GLI3: variants seen among roughly 807,000 people sequenced by gnomAD.
GLI3 encodes transcription activator GLI3.
GLI3 carries 20 observed loss-of-function variants against 100.8 expected under a neutral mutation model. The observed-to-expected ratio is 0.20, with a 90% CI of 0.14 to 0.29. GLI3 has a LOEUF of 0.29. Among genes scored for constraint, GLI3 ranks in the 10% least tolerant of loss-of-function variants. GLI3 has a pLI of 1.00. For missense variants in GLI3, 2,040 were observed against 2,128.5 expected (o/e 0.96, Z 0.82); for synonymous variants, 938 against 860.5 (o/e 1.09, Z -1.58).
At chr7:42,254,037 T>C (rs1320176481) in intron 1 of GLI3, among the ~76,000 whole-genome samples, 39 of 152,126 alleles carry the variant, frequency 2.6e-4, no homozygotes, top group Non-Finnish European at 1.5e-5. Flanking sequence ...CTGACCAACA[T>C]GGTGAAACCC....
chr7:41,971,140 C>T (rs891306513), intron 13 of GLI3, among the ~76,000 whole-genome samples: 2 of 152,214 alleles, frequency 1.3e-5, no homozygotes, highest in African/African-American at 2.4e-5. Flanking sequence ...CATAGCTTCT[C>T]ACCGTCTCAA....
chr7:41,991,949 A>C (rs148540991), intron 10 of GLI3, among the ~76,000 whole-genome samples: 127 of 152,318 alleles, frequency 8.3e-4, no homozygotes, highest in Middle Eastern at 3.4e-3. Context: ...GTATGTGTGC[A>C]CATGCTGGTG....
intron 6 of GLI3, among the ~76,000 whole-genome samples, chr7:42,040,466 G>C (rs1216064568): frequency 6.6e-6 from 1 of 152,152 alleles, no homozygotes; most frequent in Non-Finnish European, 1.5e-5. Context: ...TTAATGTGCA[G>C]GGAAAATGAT....
chr7:41,986,759 T>C (rs1254138847), intron 10 of GLI3, among the ~76,000 whole-genome samples: 2 of 151,942 alleles, frequency 1.3e-5, no homozygotes, highest in African/African-American at 2.4e-5. Flanking sequence ...TGCACAGCTT[T>C]GAGAATATAT....
chr7:42,166,558 T>C (rs1229428366), intron 2 of GLI3, among the ~76,000 whole-genome samples: 1 of 147,484 alleles, frequency 6.8e-6, no homozygotes, highest in Non-Finnish European at 1.5e-5. Context: ...AAAGCATAGC[T>C]CCAGTTGGGG....
intron 1 of GLI3, among the ~76,000 whole-genome samples, chr7:42,253,120 G>T (rs1261298136): frequency 1.3e-5 from 2 of 152,198 alleles, no homozygotes; most frequent in Non-Finnish European, 2.9e-5. Flanking sequence ...GTAGCTAGCT[G>T]AGCCACGACT....
intron 1 of GLI3, among the ~76,000 whole-genome samples, chr7:42,263,596 GC>G (rs1789167860): frequency 6.6e-6 from 1 of 152,086 alleles, no homozygotes; most frequent in Non-Finnish European, 1.5e-5. Flanking sequence ...ACAGGAGCGT[GC>G]CACCATGCCC....
intron 3 of GLI3, among the ~76,000 whole-genome samples, chr7:42,132,196 G>A (rs1446998879): frequency 6.6e-6 from 1 of 151,958 alleles, no homozygotes; most frequent in Non-Finnish European, 1.5e-5. Context: ...CGCCTCCTGG[G>A]TTCACGCCAT....
upstream of GLI3, among the ~76,000 whole-genome samples, chr7:42,238,597 C>G (rs1250737750): frequency 6.6e-6 from 1 of 152,200 alleles, no homozygotes; most frequent in African/African-American, 2.4e-5. Flanking sequence ...CTCTAACGTG[C>G]CGCTTTTCCT....
At chr7:42,126,686 T>A (rs1786141086) in intron 3 of GLI3, among the ~76,000 whole-genome samples, 1 of 152,208 alleles carries the variant, frequency 6.6e-6, no homozygotes, top group South Asian at 2.1e-4. Context: ...AGAAGTCACA[T>A]AACCACACTA....
intron 2 of GLI3, among the ~76,000 whole-genome samples, chr7:42,173,587 T>A (rs1787420983): frequency 6.6e-6 from 1 of 152,208 alleles, no homozygotes; most frequent in South Asian, 2.1e-4. Flanking sequence ...ATGTGTAACC[T>A]GAATGATCCT....
intron 2 of GLI3, among the ~76,000 whole-genome samples, chr7:42,162,661 G>A (rs746104648): frequency 5.3e-5 from 8 of 152,140 alleles, no homozygotes; most frequent in Non-Finnish European, 1.2e-4. Flanking sequence ...ATTCTACTGA[G>A]TTCCTCTTAT....
intron 3 of GLI3, among the ~76,000 whole-genome samples, chr7:42,094,522 G>A (rs972306171): frequency 1.3e-5 from 2 of 151,578 alleles, no homozygotes; most frequent in South Asian, 4.2e-4. Flanking sequence ...GATCACTTGA[G>A]GTCAGGAGTT....
intron 7 of GLI3, among the ~76,000 whole-genome samples, chr7:42,037,783 G>GA (rs1784045262): frequency 6.6e-6 from 1 of 152,166 alleles, no homozygotes; most frequent in Non-Finnish European, 1.5e-5. Flanking sequence ...CCTTGGAGAC[G>GA]AAATGGGCAA....
At chr7:41,986,102 T>C (rs1227376653) in intron 10 of GLI3, among the ~76,000 whole-genome samples, 2 of 152,118 alleles carry the variant, frequency 1.3e-5, no homozygotes, top group Non-Finnish European at 2.9e-5. Context: ...ACTCAAGACT[T>C]TGGGTACAAA....
chr7:42,142,204 A>G (rs1321676335), intron 3 of GLI3, among the ~76,000 whole-genome samples: 1 of 152,150 alleles, frequency 6.6e-6, no homozygotes, highest in African/African-American at 2.4e-5. Context: ...TTTAAACATA[A>G]GCAGGATTTG....
chr7:42,207,022 A>G (rs1788169603), intron 2 of GLI3, among the ~76,000 whole-genome samples: 1 of 152,220 alleles, frequency 6.6e-6, no homozygotes, highest in Admixed American at 6.5e-5. Context: ...AGCCCAAAGA[A>G]GGGCTACAGT....
chr7:42,111,091 AT>A lies in GLI3; in HGVS notation c.368-34235del, dbSNP rs1348403518. On this transcript the variant is annotated intron_variant, in intron 3 of 14. Coordinates refer to ENST00000395925, the MANE Select transcript of GLI3 (RefSeq NM_000168.6). ...CAGAGTAGGAAAAGCAGTATTAAAG[AT>A]TATTAAGGACTTACTACAGGGTTGG... 2.0e-5 allele frequency among the ~76,000 whole-genome samples: 3 copies of A among 152,206 alleles called. No homozygotes were observed. In the East Asian group the frequency reaches 5.8e-4, roughly 29 times the overall value.
chr7:42,228,077 CGCG>C (rs957205345), intron 1 of GLI3, among the ~76,000 whole-genome samples: 1 of 152,152 alleles, frequency 6.6e-6, no homozygotes, highest in African/African-American at 2.4e-5. Flanking sequence ...GGTCCCAGGC[CGCG>C]GCGGCGGCGC....
Sources: gnomAD v4.1 joint callset for allele counts (sites outside exome capture counted in the v4.1 genomes callset) on GRCh38, gnomAD v4.1.1 for gene constraint, MANE v1.5 for transcripts, NCBI Gene and HGNC (gene_info 2026-07-23, HGNC 2026-07-21) for gene names.